TANC2: variants seen among roughly 807,000 people sequenced by gnomAD.
The protein encoded by TANC2 is tetratricopeptide repeat, ankyrin repeat and coiled-coil containing 2.
In TANC2, 26 loss-of-function variants were observed where a neutral mutation model predicts 210.5. The observed-to-expected ratio is 0.12, with a 90% CI of 0.09 to 0.17. TANC2 has a LOEUF of 0.17. Ranked by LOEUF, TANC2 falls within the 10% of genes least tolerant of loss-of-function variation. TANC2 has a pLI of 1.00. For missense variants in TANC2, 2,129 were observed against 2,608.9 expected, an observed-to-expected ratio of 0.82 and a Z score of 4.01; for synonymous variants, 931 against 967.1, an observed-to-expected ratio of 0.96 and a Z score of 0.69.
At position 63,418,513 on chromosome 17, in the gene TANC2, C is replaced by G. The variant is rs951084078; in HGVS notation, c.4268+106C>G. On this transcript the variant is annotated intron_variant, in intron 27 of 27. Transcript: ENST00000689528. This position sits in a 1 kb window ranked among gnomAD's most constrained non-coding sequence, Gnocchi z 4.6. ...ATATGTACCCAAATACATCTCTGTC[C>G]TTGAGAACTGTCAGGGCCAAGCTTT... is the stretch of plus-strand genomic sequence containing the variant. 4 of 967,612 alleles carry G rather than the reference C, an allele frequency of 4.1e-6. No individual in the cohort carries two copies. The African/African-American group carries it at 6.5e-5, about 16-fold the overall frequency. The allele number at this position is 967,612 out of a possible 1,614,324, so 59.9% of individuals were successfully genotyped here.
At chr17:63,120,154 C>T (rs1215027193) in intron 4 of TANC2, among the ~76,000 whole-genome samples, 1 of 151,674 alleles carries the variant, frequency 6.6e-6, no homozygotes, top group Non-Finnish European at 1.5e-5. Flanking sequence ...TCTTTCTTGA[C>T]CATATCCTTT....
intron 1 of TANC2, among the ~76,000 whole-genome samples, chr17:62,984,801 T>C (rs1336177865): frequency 6.6e-6 from 1 of 152,192 alleles, no homozygotes; most frequent in African/African-American, 2.4e-5. Context: ...AGTTTCATTC[T>C]AAATATCTTG....
chr17:63,299,122 A>G (rs991093821), intron 9 of TANC2, among the ~76,000 whole-genome samples: 1 of 152,172 alleles, frequency 6.6e-6, no homozygotes, highest in African/African-American at 2.4e-5. Context: ...TTATGGCTGC[A>G]TAGTACTCCA....
intron 10 of TANC2, among the ~76,000 whole-genome samples, chr17:63,316,301 T>G (rs1458946140): frequency 6.6e-6 from 1 of 151,880 alleles, no homozygotes; most frequent in Admixed American, 6.6e-5. Flanking sequence ...GCCAGAAAGC[T>G]CAAGCTCTCT....
intron 11 of TANC2, among the ~76,000 whole-genome samples, chr17:63,330,241 C>A (rs1567920960): frequency 6.6e-6 from 1 of 152,130 alleles, no homozygotes; most frequent in Non-Finnish European, 1.5e-5. Context: ...GAGGTTGATT[C>A]ATGAGGTTTA....
At chr17:63,303,302 C>CA (rs1198124032) in intron 9 of TANC2, among the ~76,000 whole-genome samples, 1 of 152,156 alleles carries the variant, frequency 6.6e-6, no homozygotes, top group Non-Finnish European at 1.5e-5. Context: ...CTGGTGGTGA[C>CA]AAAATCCCTC....
chr17:63,048,762 A>G (rs1040485385), intron 2 of TANC2, among the ~76,000 whole-genome samples: 4 of 152,120 alleles, frequency 2.6e-5, no homozygotes, highest in African/African-American at 9.7e-5. Context: ...CATGGAGACA[A>G]AGAGGGGAAC....
chr17:63,239,945 T>C (rs955769360), intron 8 of TANC2, among the ~76,000 whole-genome samples: 2 of 152,056 alleles, frequency 1.3e-5, no homozygotes, highest in Admixed American at 1.3e-4. Flanking sequence ...TTGCACACAC[T>C]TTTAAATGAC....
intron 5 of TANC2, among the ~76,000 whole-genome samples, chr17:63,175,537 A>G (rs1383753385): frequency 2.3e-5 from 3 of 131,702 alleles, no homozygotes; most frequent in African/African-American, 9.4e-5. Context: ...CCCCGCCAAA[A>G]AAAAAAAAAA....
intron 3 of TANC2, among the ~76,000 whole-genome samples, chr17:63,093,632 T>G (rs2037283109): frequency 6.6e-6 from 1 of 152,196 alleles, no homozygotes; most frequent in Non-Finnish European, 1.5e-5. Context: ...TAAAATTAGC[T>G]TATTGATTGC....
At chr17:63,255,064 TTTA>T (rs1050736741) in intron 8 of TANC2, among the ~76,000 whole-genome samples, 61 of 40,402 alleles carry the variant, frequency 1.5e-3, no homozygotes, top group Non-Finnish European at 2.7e-3. Context: ...TTATTTTTTA[TTTA>T]TTTATTTATT....
Position 63,184,421 on chromosome 17 carries a change from A to G in TANC2, c.434-9570A>G, listed in dbSNP as rs539934749. 1.1e-3 allele frequency among the ~76,000 whole-genome samples: 171 copies of G among 152,284 alleles called. 2 individuals are homozygous for G. The highest frequency in any genetic ancestry group is 3.8e-3 in the African/African-American group (158 of 41,552). On this transcript the variant is annotated intron_variant, in intron 5 of 27. Coordinates refer to ENST00000689528, the Ensembl canonical transcript of TANC2. ...TAATACATTTTTTGTAATTTTGTAG[A>G]AATTATAAATACAGAAAGGAATGCA...
exon 4 of TANC2, chr17:63,099,181 T>G: frequency 1.2e-6 from 2 of 1,610,418 alleles, no homozygotes; most frequent in Non-Finnish European, 1.7e-6. Context: ...ACAGGTGGCA[T>G]CTCCACAGAA....
intron 7 of TANC2, among the ~76,000 whole-genome samples, chr17:63,223,473 A>G (rs572046290): frequency 8.5e-5 from 13 of 152,338 alleles, no homozygotes; most frequent in African/African-American, 3.1e-4. Flanking sequence ...GGAGCACAGC[A>G]GCAGTGTATG....
At chr17:63,350,554 T>G (rs750662162) in intron 12 of TANC2, among the ~76,000 whole-genome samples, 3 of 152,206 alleles carry the variant, frequency 2.0e-5, no homozygotes, top group Non-Finnish European at 4.4e-5. Context: ...AAGAGAGAAC[T>G]GGACACAAAC....
chr17:63,312,403 G>T (rs2045156524), intron 9 of TANC2, among the ~76,000 whole-genome samples: 1 of 152,174 alleles, frequency 6.6e-6, no homozygotes, highest in Non-Finnish European at 1.5e-5. Context: ...ATGGAATCAT[G>T]TCCTTTGCAG....
At position 63,420,061 on chromosome 17, in the gene TANC2, A is replaced by G; in HGVS notation, c.4331A>G (p.Glu1444Gly). The change falls in exon 28 of 28, where the codon GAG (glutamate) becomes GGG (glycine). Residue 1444 changes from glutamate to glycine, a missense_variant. Transcript: ENST00000689528. This position sits in a 1 kb window ranked among gnomAD's most constrained non-coding sequence, Gnocchi z 4.2. ...ATCAAGCTGTGTCCCAACAACCGTG[A>G]GATCCAGAGACTTCTGCTGAGAGTG... The G allele has an allele frequency of 6.4e-7, 1 of 1,552,276 alleles. No homozygotes were observed. Among genetic ancestry groups the G allele is most frequent in the Non-Finnish European group, 8.7e-7 (1 of 1,147,112 alleles).
chr17:63,002,205 A>G (rs755729138), intron 1 of TANC2, among the ~76,000 whole-genome samples: 2 of 152,190 alleles, frequency 1.3e-5, no homozygotes. Context: ...ATAATTAGTC[A>G]TTGACTGAGA....
At chr17:63,169,265 C>G (rs556640453) in intron 5 of TANC2, among the ~76,000 whole-genome samples, 1 of 152,142 alleles carries the variant, frequency 6.6e-6, no homozygotes, top group Non-Finnish European at 1.5e-5. Flanking sequence ...TTGCCTATTA[C>G]TTATGTTAGT....
Sources: allele counts gnomAD v4.1 joint callset (sites outside exome capture counted in the v4.1 genomes callset), GRCh38; gene constraint gnomAD v4.1.1; non-coding constraint Gnocchi (gnomAD v3.1); transcripts MANE v1.5; gene names NCBI Gene and HGNC (gene_info 2026-07-23, HGNC 2026-07-21).